The following RAB3IL1 variants were observed in gnomAD, a reference collection of about 807,000 sequenced individuals.
The protein encoded by RAB3IL1 is RAB3A interacting protein like 1, also known as guanine nucleotide exchange factor for Rab-3A.
In RAB3IL1, 37 loss-of-function variants were observed where a neutral mutation model predicts 49.2. The ratio of observed to expected loss-of-function variants is 0.75; its 90% CI spans 0.58 to 0.99. The LOEUF is 0.99. RAB3IL1 is among the 50% of genes least tolerant of loss of function. The probability of loss-of-function intolerance (pLI) is 0.00; values close to 1 mark genes in which losing one functional copy is unlikely to be tolerated. For missense variants in RAB3IL1, 484 were observed against 513.0 expected (o/e 0.94, Z 0.55); for synonymous variants, 193 against 213.9 (o/e 0.90, Z 0.85).
At chr11:61,917,704 G>A, upstream of RAB3IL1, 1 of 381,598 alleles carries the variant, frequency 2.6e-6, no homozygotes, top group Non-Finnish European at 3.6e-6. Context: ...CACGGCGCTC[G>A]GAGGGAACCC....
the RAB3IL1 span, among the ~76,000 whole-genome samples, chr11:61,943,401 G>A: frequency 2.6e-5 from 4 of 152,054 alleles, no homozygotes; most frequent in Admixed American, 6.6e-5. Flanking sequence ...GAAAACGTAC[G>A]GGTAAATCTT....
At chr11:61,933,626 TG>T in the RAB3IL1 span, among the ~76,000 whole-genome samples, 3 of 151,712 alleles carry the variant, frequency 2.0e-5, no homozygotes, top group African/African-American at 7.3e-5. Flanking sequence ...CCTAAAAATG[TG>T]GAGGTAGCTT....
intron 1 of RAB3IL1, among the ~76,000 whole-genome samples, chr11:61,915,881 C>CA (rs1284145741): frequency 3.3e-5 from 5 of 151,628 alleles, no homozygotes; most frequent in African/African-American, 7.3e-5. Flanking sequence ...ACTAAAAACA[C>CA]AAAAAAATTA....
At chr11:61,921,942 A>G (rs559852539), upstream of RAB3IL1, among the ~76,000 whole-genome samples, 1 of 152,088 alleles carries the variant, frequency 6.6e-6, no homozygotes, top group South Asian at 2.1e-4. Flanking sequence ...TAATCCCAGC[A>G]CTTTGGGAGG....
intron 7 of RAB3IL1, among the ~76,000 whole-genome samples, chr11:61,903,155 A>G (rs1192447368): frequency 2.0e-5 from 3 of 151,778 alleles, no homozygotes; most frequent in African/African-American, 7.3e-5. Context: ...CCACTCCCCA[A>G]ACCTGCTCTT....
intron 1 of RAB3IL1, among the ~76,000 whole-genome samples, chr11:61,911,545 C>T (rs1939453732): frequency 6.6e-6 from 1 of 152,168 alleles, no homozygotes; most frequent in Admixed American, 6.5e-5. Context: ...CAGTGGTGAA[C>T]TCAGTCGTGG....
At chr11:61,912,961 A>C (rs1193032272) in intron 1 of RAB3IL1, among the ~76,000 whole-genome samples, 1 of 152,096 alleles carries the variant, frequency 6.6e-6, no homozygotes, top group African/African-American at 2.4e-5. Context: ...TTCAAAACTA[A>C]GGAAAAGGTG....
intron 2 of RAB3IL1, among the ~76,000 whole-genome samples, 153 bp downstream of exon 2, chr11:61,907,901 G>A (rs753171039): frequency 3.9e-5 from 6 of 152,268 alleles, no homozygotes; most frequent in Non-Finnish European, 8.8e-5. Flanking sequence ...GGTGACCATC[G>A]GTGCGCCCAG....
chr11:61,904,449 GGCGCTGCT>G, intron 7 of RAB3IL1, 89 bp downstream of exon 7: 1 of 1,204,648 alleles, frequency 8.3e-7, no homozygotes, highest in Non-Finnish European at 1.2e-6. Context: ...CTGTCCTGTC[GGCGCTGCT>G]GCATCCTGAC....
chr11:61,929,415 G>A, the RAB3IL1 span, among the ~76,000 whole-genome samples: 2 of 149,480 alleles, frequency 1.3e-5, no homozygotes, highest in Non-Finnish European at 3.0e-5. Context: ...TGAGACACAA[G>A]AATCGATTCA....
the RAB3IL1 span, among the ~76,000 whole-genome samples, chr11:61,940,643 C>T: frequency 7.3e-5 from 11 of 151,514 alleles, no homozygotes; most frequent in Non-Finnish European, 1.5e-4. Context: ...AAAAGTTAGG[C>T]TGGGCGCGGT....
At chr11:61,932,112 G>A in the RAB3IL1 span, among the ~76,000 whole-genome samples, 20 of 151,892 alleles carry the variant, frequency 1.3e-4, no homozygotes, top group Middle Eastern at 3.2e-3. Context: ...TTAGCTGGGC[G>A]TGGTGGCGGG....
upstream of RAB3IL1, among the ~76,000 whole-genome samples, chr11:61,924,913 C>G (rs1417003967): frequency 1.3e-5 from 2 of 152,138 alleles, no homozygotes; most frequent in Non-Finnish European, 2.9e-5. Flanking sequence ...GCTCAGCCAC[C>G]TTGTGGAATT....
chr11:61,937,788 G>C, the RAB3IL1 span: 4 of 151,790 alleles, frequency 2.6e-5, no homozygotes, highest in African/African-American at 9.7e-5. Context: ...TAGCAAAATG[G>C]GAATAAATCC....
At chr11:61,910,702 T>G (rs1364476847) in intron 1 of RAB3IL1, among the ~76,000 whole-genome samples, 1 of 152,220 alleles carries the variant, frequency 6.6e-6, no homozygotes, top group Non-Finnish European at 1.5e-5. Flanking sequence ...TGTGGACCCT[T>G]GCCAAGAAGA....
chr11:61,919,671 G>A (rs565633577), upstream of RAB3IL1, among the ~76,000 whole-genome samples: 1 of 152,220 alleles, frequency 6.6e-6, no homozygotes, highest in African/African-American at 2.4e-5. Context: ...AATAAAAGTT[G>A]TGTCCTCTGC....
At position 61,917,466 on chromosome 11, in the gene RAB3IL1, G is replaced by A. The variant is rs1001108983; in HGVS notation, c.-99C>T. 2.6e-6 allele frequency: 3 copies of A among 1,160,028 alleles called. No individual in the cohort carries two copies. Among genetic ancestry groups the A allele is most frequent in the Non-Finnish European group, 3.2e-6 (3 of 943,186 alleles). 71.9% of individuals were successfully genotyped at this position (1,160,028 alleles called of 1,614,324 possible). On this transcript the variant is annotated 5_prime_UTR_variant, in exon 1 of 10. Coordinates refer to ENST00000394836, the MANE Select transcript of RAB3IL1 (RefSeq NM_013401.4). ...CGCCGACTCCGCCAGGGGCCGAGCC[G>A]CCCCACCGCCTGTCAGCCCTGCCCG...
the RAB3IL1 span, among the ~76,000 whole-genome samples, chr11:61,929,516 T>TA: frequency 1.4e-5 from 2 of 142,054 alleles, no homozygotes; most frequent in Non-Finnish European, 1.6e-5. Flanking sequence ...CAAAAAGCTT[T>TA]AAAAAAATTT....
chr11:61,902,406 A>G, intron 8 of RAB3IL1, 36 bp downstream of exon 8: 1 of 1,554,298 alleles, frequency 6.4e-7, no homozygotes, highest in Non-Finnish European at 8.7e-7. Context: ...AGGTGGCCCC[A>G]AAGGAGTCAA....
Sources: gnomAD v4.1 joint callset for allele counts (sites outside exome capture counted in the v4.1 genomes callset) on GRCh38, gnomAD v4.1.1 for gene constraint, MANE v1.5 for transcripts, NCBI Gene and HGNC (gene_info 2026-07-23, HGNC 2026-07-21) for gene names.